ACAP1: variants seen among roughly 807,000 people sequenced by gnomAD.
ACAP1 encodes arf-GAP with coiled-coil, ANK repeat and PH domain-containing protein 1.
ACAP1 carries 45 observed loss-of-function variants against 98.8 expected under a neutral mutation model. The ratio of observed to expected loss-of-function variants is 0.46; its 90% CI spans 0.36 to 0.58. ACAP1 has a LOEUF of 0.58. ACAP1 is among the 20% of genes least tolerant of loss of function. ACAP1 has a pLI of 0.00. For synonymous variants in ACAP1, 362 were observed against 375.3 expected (o/e 0.96, Z 0.41); for missense variants, 735 against 971.4 (o/e 0.76, Z 3.24).
Position 7,347,152 on chromosome 17 carries a change from C to T in ACAP1, c.1253C>T (p.Ala418Val), listed in dbSNP as rs1034152904. The T allele has an allele frequency of 1.2e-6, 2 of 1,613,966 alleles. No individual in the cohort carries two copies. The highest frequency in any genetic ancestry group is 1.3e-5 in the African/African-American group (1 of 74,928). The change falls in exon 14 of 22, where the codon GCC becomes GTC. Residue 418 changes from alanine to valine, a missense_variant. Transcript: ENST00000158762. ...CAGGTCCAGAGTGTGGATGGCAATG[C>T]CCAGTGCTGCGACTGCCGGGAGCCA... ...VAQVQSVDGN[A>V]QCCDCREPAP...
chr17:7,349,060 C>T lies in ACAP1; in HGVS notation c.1744C>T (p.Pro582Ser), dbSNP rs1219845128. 6.2e-7 allele frequency: 1 copy of T among 1,614,096 alleles called. No homozygotes were observed. The highest frequency in any genetic ancestry group is 8.5e-7 in the Non-Finnish European group (1 of 1,180,004). The change falls in exon 18 of 22, where the codon CCT becomes TCT. Residue 582 changes from proline to serine, a missense_variant. Physicochemically the swap from Pro to Ser is moderately conservative, Grantham distance 74 (BLOSUM62 -1). This residue lies in a region of ACAP1 where 142 missense variants were observed against 224.1 expected (regional missense o/e 0.63). Coordinates refer to ENST00000158762, the MANE Select transcript of ACAP1 (RefSeq NM_014716.4). ...CCTACTGTTTCGAGCGTCTGGGCAT[C>T]CTCCATCTCTTCCCACCATGGCTGA... ...GALLFRASGHPPSLPTMADAL... is the reference protein window; with the variant it reads ...GALLFRASGHSPSLPTMADAL...
Position 7,349,273 on chromosome 17 carries a change from T to G in ACAP1, c.1851+106T>G, listed in dbSNP as rs978356952. ...TTCCCCACCACCTGTTCCCTAGGGC[T>G]TCCACCCATAGGGAGAGATCAACAA... On this transcript the variant is annotated intron_variant, in intron 18 of 21. Transcript: ENST00000158762. 3 of 1,245,380 alleles carry G rather than the reference T, an allele frequency of 2.4e-6. No individual in the cohort carries two copies. In the African/African-American group the frequency reaches 4.5e-5, roughly 19 times the overall value. The allele number at this position is 1,245,380 out of a possible 1,614,324, so 77.1% of individuals were successfully genotyped here.
At chr17:7,346,988 C>A in intron 13 of ACAP1, 43 bp from the exon 14 acceptor site, 1 of 1,578,306 alleles carries the variant, frequency 6.3e-7, no homozygotes. Flanking sequence ...GCACCCTTTA[C>A]CCTAGGCCCC....
intron 17 of ACAP1, 56 bp downstream of exon 17, chr17:7,348,531 A>G (rs1662529912): frequency 2.1e-6 from 3 of 1,436,696 alleles, no homozygotes; most frequent in Non-Finnish European, 1.8e-6. Flanking sequence ...GCATCGTGCC[A>G]GGTAGCGCCG....
At chr17:7,348,868 C>T in intron 17 of ACAP1, 127 bp from the exon 18 acceptor site, 1 of 887,422 alleles carries the variant, frequency 1.1e-6, no homozygotes, top group South Asian at 1.6e-5. Flanking sequence ...ACTCTATTCC[C>T]TCCACAGTCC....
chr17:7,336,679 G>T lies in ACAP1; in HGVS notation c.-56G>T. The T allele has an allele frequency of 6.3e-7, 1 of 1,598,028 alleles. No homozygotes were observed. ...CCTGGGACAGAAAGTGCCTCCACCT[G>T]CATCCCCAGGGGCCCGGCCTCCAGG... On this transcript the variant is annotated 5_prime_UTR_variant, in exon 1 of 22. Transcript: ENST00000158762.
intron 4 of ACAP1, 43 bp from the exon 5 acceptor site, chr17:7,342,373 C>T: frequency 1.2e-6 from 2 of 1,613,614 alleles, no homozygotes; most frequent in African/African-American, 1.3e-5. Flanking sequence ...GGCCAGGTCA[C>T]CTGTGGTCCT....
intron 3 of ACAP1, 86 bp downstream of exon 3, chr17:7,342,153 C>T: frequency 6.2e-7 from 1 of 1,607,484 alleles, no homozygotes; most frequent in South Asian, 1.1e-5. Context: ...CTGGGGTCTG[C>T]AGGTTCCAGG....
chr17:7,342,025 T>C lies in ACAP1; in HGVS notation c.189T>C (p.Ile63=). The C allele has an allele frequency of 6.2e-7, 1 of 1,614,076 alleles. No individual in the cohort carries two copies. The highest frequency in any genetic ancestry group is 8.5e-7 in the Non-Finnish European group (1 of 1,180,000). ...LAASRAFVVG[I]CDLARLGPPE... is the part of the protein sequence containing the mutation. ...CCAGCCGCGCCTTCGTTGTCGGCAT[T>C]TGTGACCTGGCCCGCCTGGGTCCAC... The change falls in exon 3 of 22, where the codon ATT becomes ATC. Residue 63 remains isoleucine (I), a synonymous_variant. Transcript: ENST00000158762.
chr17:7,341,212 G>A (rs1002833316), intron 2 of ACAP1, among the ~76,000 whole-genome samples: 5 of 152,160 alleles, frequency 3.3e-5, no homozygotes, highest in African/African-American at 1.2e-4. Flanking sequence ...GTGCAGTAGC[G>A]CCATCTCGGC....
Position 7,343,284 on chromosome 17 carries a change from G to A in ACAP1, c.345-95G>A. The A allele has an allele frequency of 7.4e-7, 1 of 1,345,908 alleles. No homozygotes were observed. The highest frequency in any genetic ancestry group is 1.0e-6 in the Non-Finnish European group (1 of 978,304). 83.4% of individuals were successfully genotyped at this position (1,345,908 alleles called of 1,614,324 possible). ...CACCTTGGGTTTCCCACGTTGCAGAGACTAACTGAAAGGACATGAGGGCTT... is the reference window on the plus strand; with the variant it reads ...CACCTTGGGTTTCCCACGTTGCAGAAACTAACTGAAAGGACATGAGGGCTT... On this transcript the variant is annotated intron_variant, in intron 5 of 21. Transcript: ENST00000158762. The surrounding 1 kb of genome is among the most constrained non-coding windows in gnomAD (Gnocchi z 4.9).
At chr17:7,339,756 G>A (rs1025963976) in intron 2 of ACAP1, among the ~76,000 whole-genome samples, 1 of 152,154 alleles carries the variant, frequency 6.6e-6, no homozygotes, top group African/African-American at 2.4e-5. Flanking sequence ...TTTATCACGT[G>A]TATGGATTCC....
intron 2 of ACAP1, among the ~76,000 whole-genome samples, chr17:7,340,733 C>G (rs951418085): frequency 6.6e-6 from 1 of 152,278 alleles, no homozygotes; most frequent in African/African-American, 2.4e-5. Flanking sequence ...GTAATCCCAG[C>G]TACTCTGGAG....
At chr17:7,346,190 T>A in intron 10 of ACAP1, 54 bp from the exon 11 acceptor site, 2 of 1,562,386 alleles carry the variant, frequency 1.3e-6, no homozygotes, top group Non-Finnish European at 1.8e-6. Flanking sequence ...CAGCCTCTCT[T>A]CCGTCCCTCA....
chr17:7,349,262 T>G, intron 18 of ACAP1, 95 bp downstream of exon 18: 4 of 1,345,526 alleles, frequency 3.0e-6, no homozygotes, highest in Non-Finnish European at 3.1e-6. Flanking sequence ...CCACCACCTG[T>G]TCCCTAGGGC....
At position 7,344,087 on chromosome 17, in the gene ACAP1, G is replaced by A. The variant is rs189670955; in HGVS notation, c.708G>A (p.Arg236=). 5.0e-6 allele frequency: 8 copies of A among 1,590,834 alleles called. No homozygotes were observed. Among genetic ancestry groups the A allele is most frequent in the African/African-American group, 1.3e-5 (1 of 74,308 alleles). ...QLVLNSAREK[R]DMEQRHVLLK... is the part of the protein sequence containing the mutation. Reference sequence around the variant, plus strand: ...TCTTGAATTCAGCACGAGAGAAGAGGGACATGGAGCAGAGACACGTGCTGC... The same window carrying A: ...TCTTGAATTCAGCACGAGAGAAGAGAGACATGGAGCAGAGACACGTGCTGC... The change falls in exon 9 of 22, where the codon AGG becomes AGA. Residue 236 remains arginine (R), a synonymous_variant. Transcript: ENST00000158762. This position sits in a 1 kb window ranked among gnomAD's most constrained non-coding sequence, Gnocchi z 4.9.
At position 7,343,419 on chromosome 17, in the gene ACAP1, CG is replaced by C; in HGVS notation, c.391del (p.Ala131LeufsTer8). The C allele has an allele frequency of 6.2e-7, 1 of 1,613,588 alleles. No individual in the cohort carries two copies. Among genetic ancestry groups the C allele is most frequent in the Non-Finnish European group, 8.5e-7 (1 of 1,179,886 alleles). On this transcript the variant is annotated frameshift_variant, in exon 6 of 22. Transcript: ENST00000158762. LOFTEE classifies it high-confidence loss of function. The surrounding 1 kb of genome is among the most constrained non-coding windows in gnomAD (Gnocchi z 4.9). Reference protein sequence around the residue: ...GFREARRDFWRGAESLEAALT... With the variant: ...GFREARRDFWXGAESLEAALT... ...CCGAGAGGCTCGCCGGGATTTCTGGCGGGGGGCTGAGAGCCTGGAGGCTGCC... is the reference window on the plus strand; with the variant it reads ...CCGAGAGGCTCGCCGGGATTTCTGGCGGGGGCTGAGAGCCTGGAGGCTGCC...
chr17:7,350,424 G>A lies in ACAP1; in HGVS notation c.2072+187G>A. On this transcript the variant is annotated intron_variant, in intron 20 of 21. Transcript: ENST00000158762. The surrounding 1 kb of genome is among the most constrained non-coding windows in gnomAD (Gnocchi z 4.6). ...CGCGAAGTGTGCACTGGGACGTGGA[G>A]TAGAAGGCAGGCGGGAGGGCGGGCA... The A allele has an allele frequency of 2.0e-6, 1 of 493,062 alleles. No individual in the cohort carries two copies. The highest frequency in any genetic ancestry group is 3.3e-5 in the Admixed American group (1 of 30,234). 30.5% of individuals were successfully genotyped at this position (493,062 alleles called of 1,614,324 possible).
chr17:7,340,965 G>A (rs1224834601), intron 2 of ACAP1, among the ~76,000 whole-genome samples: 1 of 152,116 alleles, frequency 6.6e-6, no homozygotes, highest in Non-Finnish European at 1.5e-5. Flanking sequence ...ACAGGTCTGA[G>A]CCACCTTGCC....
Sources: allele counts gnomAD v4.1 joint callset (sites outside exome capture counted in the v4.1 genomes callset), GRCh38; gene constraint gnomAD v4.1.1; regional missense constraint gnomAD v4.1.1; non-coding constraint Gnocchi (gnomAD v3.1); transcripts MANE v1.5; gene names NCBI Gene and HGNC (gene_info 2026-07-23, HGNC 2026-07-21).